The following PPFIBP2 variants were observed in gnomAD, a reference collection of about 807,000 sequenced individuals.
PPFIBP2 encodes the protein liprin-beta-2.
A neutral mutation model predicts 118.3 loss-of-function variants in PPFIBP2; 118 were observed. The ratio of observed to expected loss-of-function variants is 1.00; its 90% CI spans 0.86 to 1.16. The LOEUF is 1.16. PPFIBP2 is among the 50% of genes most tolerant of loss of function. PPFIBP2 has a pLI of 0.00. For synonymous variants in PPFIBP2, 414 were observed against 397.4 expected, an observed-to-expected ratio of 1.04 and a Z score of -0.50; for missense variants, 1,195 against 1,073.1, an observed-to-expected ratio of 1.11 and a Z score of -1.59.
chr11:7,648,415 A>C lies in PPFIBP2; in HGVS notation c.1675A>C (p.Ser559Arg). ...SDANAPFAQWSTERVCAWLED... is the reference protein window; with the variant it reads ...SDANAPFAQWRTERVCAWLED... ...CGCCAATGCCCCCTTTGCCCAGTGG[A>C]GCACAGAGCGTGTGTGTGCATGGCT... Residue 559 changes from serine (S) to arginine (R), a missense_variant, in exon 18 of 24, where the codon AGC becomes CGC. Ser to Arg is a moderately radical substitution (Grantham distance 110, BLOSUM62 -1). Transcript: ENST00000299492. 1 of 1,614,068 alleles carries C rather than the reference A, an allele frequency of 6.2e-7. No individual in the cohort carries two copies. Among genetic ancestry groups the C allele is most frequent in the Non-Finnish European group, 8.5e-7 (1 of 1,180,006 alleles).
At chr11:7,578,053 A>G (rs970069839) in intron 3 of PPFIBP2, among the ~76,000 whole-genome samples, 21 of 152,244 alleles carry the variant, frequency 1.4e-4, no homozygotes, top group African/African-American at 5.1e-4. Flanking sequence ...CTCTGATGTT[A>G]TCCGGTGGAG....
chr11:7,594,694 A>G (rs563848613), intron 4 of PPFIBP2, among the ~76,000 whole-genome samples: 2 of 151,128 alleles, frequency 1.3e-5, no homozygotes, highest in South Asian at 2.1e-4. Flanking sequence ...AGGCAGGTGA[A>G]TCACCTGAGG....
At chr11:7,617,918 G>A (rs1000784437) in intron 6 of PPFIBP2, among the ~76,000 whole-genome samples, 2 of 65,158 alleles carry the variant, frequency 3.1e-5, no homozygotes, top group Non-Finnish European at 3.7e-5. Flanking sequence ...CTCTCCACAC[G>A]GGGGTAACCT....
intron 17 of PPFIBP2, among the ~76,000 whole-genome samples, chr11:7,644,794 G>A (rs545758730): frequency 2.0e-5 from 3 of 151,984 alleles, no homozygotes; most frequent in East Asian, 1.9e-4. Flanking sequence ...TTGGGAGGCC[G>A]AGGCGGGCGG....
downstream of PPFIBP2, chr11:7,656,894 A>G: frequency 1.1e-6 from 1 of 936,792 alleles, no homozygotes; most frequent in Non-Finnish European, 1.5e-6. Flanking sequence ...CTGCAAGCCC[A>G]GTCCGGGCTG....
intron 3 of PPFIBP2, among the ~76,000 whole-genome samples, chr11:7,579,753 G>C (rs2134991254): frequency 6.6e-6 from 1 of 152,272 alleles, no homozygotes; most frequent in East Asian, 1.9e-4. Context: ...TTTGCTTAGG[G>C]AAACTTTAAG....
chr11:7,627,147 C>G (rs1850129574), intron 8 of PPFIBP2, among the ~76,000 whole-genome samples: 1 of 152,202 alleles, frequency 6.6e-6, no homozygotes. Context: ...GGCCCTACCC[C>G]ACTCCATTAC....
At chr11:7,530,236 G>A (rs1168986569) in intron 1 of PPFIBP2, among the ~76,000 whole-genome samples, 1 of 152,168 alleles carries the variant, frequency 6.6e-6, no homozygotes, top group Non-Finnish European at 1.5e-5. Context: ...CTAACCCTGT[G>A]TAAGGCAGAT....
chr11:7,635,915 G>A (rs1008184989), intron 14 of PPFIBP2, among the ~76,000 whole-genome samples: 5 of 152,078 alleles, frequency 3.3e-5, no homozygotes, highest in Admixed American at 1.3e-4. Flanking sequence ...ACTGAAGAAC[G>A]TGACAGCTCT....
chr11:7,628,428 T>A, intron 9 of PPFIBP2, 82 bp downstream of exon 9: 1 of 1,272,334 alleles, frequency 7.9e-7, no homozygotes. Context: ...TCTGATATTC[T>A]GGACAGGACC....
chr11:7,589,977 C>A (rs1858940280), intron 3 of PPFIBP2, among the ~76,000 whole-genome samples: 1 of 134,638 alleles, frequency 7.4e-6, no homozygotes, highest in East Asian at 2.3e-4. Context: ...TTTTGATAAC[C>A]ACAAAGCTTA....
intron 2 of PPFIBP2, among the ~76,000 whole-genome samples, chr11:7,560,407 A>G (rs1032450448): frequency 5.9e-5 from 9 of 152,106 alleles, no homozygotes; most frequent in African/African-American, 2.2e-4. Flanking sequence ...ATTTCTCTGT[A>G]TATATATATA....
chr11:7,529,482 CTT>C (rs1850498141), intron 1 of PPFIBP2, among the ~76,000 whole-genome samples: 1 of 152,110 alleles, frequency 6.6e-6, no homozygotes, highest in South Asian at 2.1e-4. Flanking sequence ...ACCGGGAGGC[CTT>C]TCTCAGATAC....
At chr11:7,650,794 G>A in intron 21 of PPFIBP2, 46 bp from the exon 22 acceptor site, 2 of 1,600,964 alleles carry the variant, frequency 1.2e-6, no homozygotes, top group Admixed American at 3.4e-5. Flanking sequence ...GACCATGGTG[G>A]GACCTATTAA....
chr11:7,547,902 C>T (rs1042964653), intron 1 of PPFIBP2, among the ~76,000 whole-genome samples: 2 of 152,192 alleles, frequency 1.3e-5, no homozygotes, highest in Non-Finnish European at 2.9e-5. Flanking sequence ...TGCCTGCCGC[C>T]TCCAAACGAA....
At chr11:7,522,874 A>G (rs936498908) in intron 1 of PPFIBP2, among the ~76,000 whole-genome samples, 10 of 152,346 alleles carry the variant, frequency 6.6e-5, no homozygotes, top group African/African-American at 2.2e-4. Flanking sequence ...TCTTCTGGGA[A>G]TGTAACCACC....
chr11:7,517,340 G>A (rs1228135538), intron 1 of PPFIBP2, among the ~76,000 whole-genome samples: 1 of 152,146 alleles, frequency 6.6e-6, no homozygotes, highest in Admixed American at 6.5e-5. Flanking sequence ...GTGGACAGGG[G>A]TGTGGTGTTT....
At chr11:7,605,286 G>A (rs1847203608) in intron 5 of PPFIBP2, among the ~76,000 whole-genome samples, 1 of 152,204 alleles carries the variant, frequency 6.6e-6, no homozygotes, top group Non-Finnish European at 1.5e-5. Flanking sequence ...TACATTCAGT[G>A]AACAGATGCA....
intron 1 of PPFIBP2, among the ~76,000 whole-genome samples, chr11:7,541,385 G>C (rs551456593): frequency 6.6e-6 from 1 of 152,338 alleles, no homozygotes; most frequent in Admixed American, 6.5e-5. Context: ...AGGTGAGGCT[G>C]TGTGAGCAGA....
Sources: allele counts gnomAD v4.1 joint callset (sites outside exome capture counted in the v4.1 genomes callset), GRCh38; gene constraint gnomAD v4.1.1; transcripts MANE v1.5; gene names NCBI Gene and HGNC (gene_info 2026-07-23, HGNC 2026-07-21).